Variants in PRKCE observed in about 807,000 individuals in gnomAD.
The protein encoded by PRKCE is protein kinase C epsilon type.
In PRKCE, 16 loss-of-function variants were observed where a neutral mutation model predicts 85.4. The observed-to-expected ratio is 0.19, with a 90% confidence interval of 0.13 to 0.28. The LOEUF (loss-of-function observed/expected upper bound fraction) is 0.28, where lower values mean the gene tolerates loss of function less well. PRKCE is among the 10% of genes least tolerant of loss of function. The probability of loss-of-function intolerance (pLI) is 1.00; values close to 1 mark genes in which losing one functional copy is unlikely to be tolerated. For synonymous variants in PRKCE, 388 were observed against 371.5 expected, an observed-to-expected ratio of 1.04 and a Z score of -0.51; for missense variants, 573 against 975.2, an observed-to-expected ratio of 0.59 and a Z score of 5.49.
chr2:46,068,128 C>A lies in PRKCE; in HGVS notation c.1438-18080C>A, dbSNP rs1023119142. 2.6e-5 allele frequency among the ~76,000 whole-genome samples: 4 copies of A among 152,110 alleles called. No homozygotes were observed. The highest frequency in any genetic ancestry group is 9.7e-5 in the African/African-American group (4 of 41,422). On this transcript the variant is annotated intron_variant, in intron 10 of 14. Coordinates refer to ENST00000306156, the MANE Select transcript of PRKCE (RefSeq NM_005400.3). This position sits in a 1 kb window ranked among gnomAD's most constrained non-coding sequence, Gnocchi z 4.3. The stretch of plus-strand genomic sequence containing the variant: ...TTTACATTATCAGTGGGTAGAATCT[C>A]CCTTTGAGATTCTTAACAGAGGGTC...
intron 1 of PRKCE, among the ~76,000 whole-genome samples, chr2:45,821,900 C>T (rs1017726537): frequency 9.9e-5 from 15 of 152,092 alleles, no homozygotes; most frequent in African/African-American, 3.6e-4. Flanking sequence ...AGCTGTCAGG[C>T]TAGAGGCTGA....
At chr2:45,925,721 G>T (rs1558842003) in intron 2 of PRKCE, among the ~76,000 whole-genome samples, 1 of 152,202 alleles carries the variant, frequency 6.6e-6, no homozygotes, top group Non-Finnish European at 1.5e-5. Flanking sequence ...CTCACAAGCT[G>T]GCCAAGGATC....
Position 45,652,118 on chromosome 2 carries a change from C to G in PRKCE, c.18C>G (p.Gly6=). 6.5e-7 allele frequency: 1 copy of G among 1,542,186 alleles called. No individual in the cohort carries two copies. The change falls in exon 1 of 15, where the codon GGC becomes GGG. Residue 6 remains glycine, a synonymous_variant. Coordinates refer to ENST00000306156, the MANE Select transcript of PRKCE (RefSeq NM_005400.3). This position sits in a 1 kb window ranked among gnomAD's most constrained non-coding sequence, Gnocchi z 7.7. ...CCCCGACCATGGTAGTGTTCAATGG[C>G]CTTCTTAAGATCAAAATCTGCGAGG... The part of the protein sequence containing the change: MVVFN[G]LLKIKICEAV...
chr2:45,741,380 T>A (rs1558619148), intron 1 of PRKCE, among the ~76,000 whole-genome samples: 1 of 152,218 alleles, frequency 6.6e-6, no homozygotes, highest in Non-Finnish European at 1.5e-5. Flanking sequence ...TAAAGTTGCA[T>A]AAAACACCCT....
Position 45,665,098 on chromosome 2 carries a change from G to A in PRKCE, c.348+12650G>A, listed in dbSNP as rs148280482. On this transcript the variant is annotated intron_variant, in intron 1 of 14. Transcript: ENST00000306156. The stretch of plus-strand genomic sequence containing the variant: ...CTGAAAAGATTACTGTACTCTCAGT[G>A]AGGAAATATGCATTTACTTGTAATT... Among the ~76,000 whole-genome samples, 3 of 152,346 alleles carry A rather than the reference G, an allele frequency of 2.0e-5. No individual in the cohort carries two copies. The East Asian group carries it at 5.8e-4, about 29-fold the overall frequency.
intron 2 of PRKCE, among the ~76,000 whole-genome samples, chr2:45,892,081 A>T (rs1695763928): frequency 6.6e-6 from 1 of 152,168 alleles, no homozygotes; most frequent in Non-Finnish European, 1.5e-5. Flanking sequence ...CTCTCCATGT[A>T]AGCAGGTCCC....
chr2:45,815,580 C>G (rs543303265), intron 1 of PRKCE, among the ~76,000 whole-genome samples: 72 of 152,346 alleles, frequency 4.7e-4, no homozygotes, highest in South Asian at 2.3e-3. Context: ...CCTGACCAGT[C>G]ACTTTGCAGT....
intron 2 of PRKCE, among the ~76,000 whole-genome samples, chr2:45,867,138 G>T (rs934457717): frequency 6.6e-6 from 1 of 152,162 alleles, no homozygotes; most frequent in Non-Finnish European, 1.5e-5. Context: ...AAGAATGATT[G>T]TCCTGCTTGC....
At chr2:46,055,864 T>A (rs1404665318) in intron 10 of PRKCE, among the ~76,000 whole-genome samples, 1 of 152,208 alleles carries the variant, frequency 6.6e-6, no homozygotes, top group Non-Finnish European at 1.5e-5. Context: ...GGTTTTGCCA[T>A]GTTGCCCAAG....
intron 2 of PRKCE, among the ~76,000 whole-genome samples, chr2:45,931,894 A>T (rs1175283360): frequency 6.6e-6 from 1 of 152,062 alleles, no homozygotes; most frequent in African/African-American, 2.4e-5. Flanking sequence ...TTTAATAGAG[A>T]CAGGGTCTTA....
At chr2:45,712,513 T>A (rs1679751455) in intron 1 of PRKCE, among the ~76,000 whole-genome samples, 1 of 152,106 alleles carries the variant, frequency 6.6e-6, no homozygotes, top group South Asian at 2.1e-4. Flanking sequence ...TTAAAGCCCC[T>A]GATGGGAAGC....
intron 2 of PRKCE, among the ~76,000 whole-genome samples, chr2:45,964,630 G>T (rs1237175187): frequency 6.6e-6 from 1 of 152,220 alleles, no homozygotes; most frequent in Non-Finnish European, 1.5e-5. Context: ...GAACGAATGG[G>T]CGAATGAATG....
intron 2 of PRKCE, among the ~76,000 whole-genome samples, chr2:45,901,173 A>G (rs1696551510): frequency 6.6e-6 from 1 of 152,208 alleles, no homozygotes; most frequent in Non-Finnish European, 1.5e-5. Context: ...TCTCATTGAG[A>G]TTTGAGATGC....
intron 2 of PRKCE, among the ~76,000 whole-genome samples, chr2:45,956,832 A>G (rs1701008183): frequency 6.6e-6 from 1 of 152,238 alleles, no homozygotes; most frequent in Non-Finnish European, 1.5e-5. Flanking sequence ...TTATTTTTTA[A>G]CATTAGCATT....
intron 10 of PRKCE, among the ~76,000 whole-genome samples, chr2:46,026,842 G>C (rs1473275731): frequency 6.6e-6 from 1 of 152,138 alleles, no homozygotes. Context: ...CCCCAAACAG[G>C]CGAGACTAAA....
intron 10 of PRKCE, among the ~76,000 whole-genome samples, chr2:46,084,727 A>G (rs1669422292): frequency 6.6e-6 from 1 of 151,162 alleles, no homozygotes; most frequent in South Asian, 2.1e-4. Flanking sequence ...TCAAAAAAAA[A>G]AAAAAAAAAA....
At chr2:45,982,443 T>TC (rs1293008997) in intron 5 of PRKCE, among the ~76,000 whole-genome samples, 1 of 151,904 alleles carries the variant, frequency 6.6e-6, no homozygotes, top group African/African-American at 2.4e-5. Context: ...ACTCGGCCGG[T>TC]CCCCCCCATC....
chr2:45,962,309 C>A (rs1245977488), intron 2 of PRKCE, among the ~76,000 whole-genome samples: 1 of 152,234 alleles, frequency 6.6e-6, no homozygotes, highest in Non-Finnish European at 1.5e-5. Context: ...AGATTTAAGG[C>A]AGGGCCTGTG....
chr2:45,744,419 TTC>T (rs1205843152), intron 1 of PRKCE, among the ~76,000 whole-genome samples: 3 of 14,492 alleles, frequency 2.1e-4, no homozygotes, highest in African/African-American at 5.6e-4. Context: ...TTTCTTTTCT[TTC>T]TTTCTTTCTT....
Sources: gnomAD v4.1 joint callset for allele counts (sites outside exome capture counted in the v4.1 genomes callset) on GRCh38, gnomAD v4.1.1 for gene constraint, Gnocchi (gnomAD v3.1) non-coding constraint, MANE v1.5 for transcripts, NCBI Gene and HGNC (gene_info 2026-07-23, HGNC 2026-07-21) for gene names.